ANKFN1: variants seen among roughly 807,000 people sequenced by gnomAD.
ANKFN1 encodes ankyrin repeat and fibronectin type-III domain-containing protein 1.
Under a neutral mutation model 108.7 loss-of-function variants are expected in ANKFN1, and 74 were observed. The ratio of observed to expected loss-of-function variants is 0.68; its 90% CI spans 0.56 to 0.83. The LOEUF (loss-of-function observed/expected upper bound fraction) is 0.83. ANKFN1 is among the 40% of genes least tolerant of loss of function. ANKFN1 has a pLI of 0.00. For missense variants in ANKFN1, 1,505 were observed against 1,382.3 expected (o/e 1.09, Z -1.41); for synonymous variants, 547 against 516.2 (o/e 1.06, Z -0.81).
chr17:56,154,735 G>T (rs1405624497), intron 1 of ANKFN1, among the ~76,000 whole-genome samples: 1 of 150,940 alleles, frequency 6.6e-6, no homozygotes, highest in East Asian at 2.0e-4. Flanking sequence ...TCAATATTTT[G>T]CCCCTGATTC....
At chr17:56,383,364 C>A (rs893875882) in intron 8 of ANKFN1, among the ~76,000 whole-genome samples, 14 of 151,716 alleles carry the variant, frequency 9.2e-5, no homozygotes, top group South Asian at 2.1e-4. Context: ...CTAAATGCCC[C>A]CAAGAGAAAG....
chr17:56,149,251 G>A (rs1340845984), upstream of ANKFN1, among the ~76,000 whole-genome samples: 1 of 152,176 alleles, frequency 6.6e-6, no homozygotes, highest in East Asian at 1.9e-4. Flanking sequence ...GGAGAGACTG[G>A]AGGCAAGAAA....
At chr17:56,291,583 C>G (rs1477224575) in intron 3 of ANKFN1, among the ~76,000 whole-genome samples, 1 of 152,160 alleles carries the variant, frequency 6.6e-6, no homozygotes, top group Non-Finnish European at 1.5e-5. Context: ...CTGGGCTGAC[C>G]TGAACACTGG....
chr17:56,146,757 C>T (rs1160974371), intron 4 of ANKFN1, among the ~76,000 whole-genome samples: 1 of 152,182 alleles, frequency 6.6e-6, no homozygotes, highest in Non-Finnish European at 1.5e-5. Flanking sequence ...GCCTCCAAGG[C>T]TGTGATAGGA....
intron 18 of ANKFN1, among the ~76,000 whole-genome samples, chr17:56,482,940 A>G (rs1251702812): frequency 6.7e-6 from 1 of 149,220 alleles, no homozygotes; most frequent in African/African-American, 2.5e-5. Flanking sequence ...TTTCTCTCTC[A>G]CCGTCCCCAC....
intron 4 of ANKFN1, among the ~76,000 whole-genome samples, chr17:56,104,422 C>T (rs1905703712): frequency 6.6e-6 from 1 of 152,200 alleles, no homozygotes; most frequent in Non-Finnish European, 1.5e-5. Flanking sequence ...GGGGAGCTGG[C>T]TTGAGCAAAG....
chr17:56,509,654 G>A (rs1387202384), intron 20 of ANKFN1, among the ~76,000 whole-genome samples: 1 of 152,188 alleles, frequency 6.6e-6, no homozygotes, highest in Non-Finnish European at 1.5e-5. Context: ...CTGGATAATG[G>A]ATACTGGGTA....
chr17:56,080,926 C>T (rs1905238269), intron 4 of ANKFN1, among the ~76,000 whole-genome samples: 1 of 152,192 alleles, frequency 6.6e-6, no homozygotes, highest in African/African-American at 2.4e-5. Context: ...ATCACGCAAT[C>T]CCTCCCCAGA....
In ANKFN1 at chr17:56,157,971, C is replaced by T. The variant is rs1909271121; in HGVS notation, c.-71+4441C>T. Among the ~76,000 whole-genome samples the T allele has an allele frequency of 2.0e-5, 3 of 152,316 alleles. No homozygotes were observed. The Middle Eastern group carries it at 0.01, about 518-fold the overall frequency. On this transcript the variant is annotated intron_variant, in intron 1 of 20. Transcript: ENST00000682825. ...AAATATAGTGCCATGTATTTCTTGG[C>T]ACTCATAACTTTCCAGCCAGCCTAC...
rs149592113 is a variant in ANKFN1 at position 56,202,061 on chromosome 17, A to C, written c.-70-10537A>C. Among the ~76,000 whole-genome samples the C allele has an allele frequency of 1.7e-3, 261 of 152,304 alleles. 3 individuals carry two copies. Among genetic ancestry groups the C allele is most frequent in the African/African-American group, 6.0e-3 (251 of 41,574 alleles). ...CAGAAATGTCCTATCTTCCCCATTC[A>C]TCCAGTCCTTTAATCTTTTCCAACC... On this transcript the variant is annotated intron_variant, in intron 1 of 20. Coordinates refer to ENST00000682825, the MANE Select transcript of ANKFN1 (RefSeq NM_001370326.1).
chr17:56,516,648 C>A lies in ANKFN1; in HGVS notation c.*5379C>A, dbSNP rs1354371588. On this transcript the variant is annotated 3_prime_UTR_variant, in exon 21 of 21. Transcript: ENST00000682825. ...ACTGTAAATGTCCAGTACCCTCAAT[C>A]AAAAACAGCACTGGTAAAATGTATG... 6.6e-6 allele frequency among the ~76,000 whole-genome samples: 1 copy of A among 152,158 alleles called. No homozygotes were observed. Among genetic ancestry groups the A allele is most frequent in the Non-Finnish European group, 1.5e-5 (1 of 68,024 alleles).
intron 3 of ANKFN1, among the ~76,000 whole-genome samples, chr17:56,254,371 A>G (rs1034205874): frequency 2.6e-5 from 4 of 152,240 alleles, no homozygotes; most frequent in Non-Finnish European, 4.4e-5. Context: ...GGTTTTATGC[A>G]TTGAAAGTTA....
rs185574987 is a variant in ANKFN1, at chr17:56,242,614, T to A, written c.53+14657T>A. On this transcript the variant is annotated intron_variant, in intron 3 of 20. Coordinates refer to ENST00000682825, the MANE Select transcript of ANKFN1 (RefSeq NM_001370326.1). ...TGTCTACAATCATATACTCTACAAA[T>A]AAGAATAATTTTGTATCATGCTTTC... 4.7e-4 allele frequency among the ~76,000 whole-genome samples: 71 copies of A among 152,254 alleles called. 2 individuals are homozygous for A. In the East Asian group the frequency reaches 0.013, roughly 27 times the overall value.
chr17:56,422,090 A>AT (rs2048423157), intron 8 of ANKFN1, among the ~76,000 whole-genome samples: 1 of 152,182 alleles, frequency 6.6e-6, no homozygotes, highest in Admixed American at 6.5e-5. Context: ...ATAAAAACTA[A>AT]TTTTATCCAA....
At position 56,495,792 on chromosome 17, in the gene ANKFN1, G is replaced by T. The variant is rs183318673; in HGVS notation, c.2428-3090G>T. On this transcript the variant is annotated intron_variant, in intron 19 of 20. Transcript: ENST00000682825. ...ATAGAAACACAGCTCATTAAATATA[G>T]CCAATCTATCATCCCCTTGAGCACC... Among the ~76,000 whole-genome samples the T allele has an allele frequency of 7.9e-5, 12 of 152,154 alleles. No individual in the cohort carries two copies. The East Asian group carries it at 2.1e-3, about 27-fold the overall frequency.
chr17:56,282,313 T>A (rs1044252810), intron 3 of ANKFN1, among the ~76,000 whole-genome samples: 2 of 151,882 alleles, frequency 1.3e-5, no homozygotes, highest in Admixed American at 6.6e-5. Context: ...TGTGTGTGTG[T>A]GTTGGAGGGA....
At chr17:56,478,966 A>C (rs986723770) in intron 16 of ANKFN1, among the ~76,000 whole-genome samples, 1 of 152,178 alleles carries the variant, frequency 6.6e-6, no homozygotes, top group Non-Finnish European at 1.5e-5. Context: ...GAGGAGGAGG[A>C]GGGAACTCAC....
chr17:56,380,742 C>T (rs1490858532), intron 8 of ANKFN1, among the ~76,000 whole-genome samples: 2 of 152,222 alleles, frequency 1.3e-5, no homozygotes, highest in East Asian at 1.9e-4. Context: ...GAGGGGCGCC[C>T]GCCATTGCCC....
chr17:56,377,357 G>A lies in ANKFN1; in HGVS notation c.910+2643G>A, dbSNP rs150228095. ...AGTTTTCTTCACACCGTGGGGGCAC[G>A]CACCAGGCCAACTGCCATCACAACT... is the stretch of plus-strand genomic sequence containing the variant. On this transcript the variant is annotated intron_variant, in intron 8 of 20. Transcript: ENST00000682825. 4.5e-3 allele frequency among the ~76,000 whole-genome samples: 679 copies of A among 152,238 alleles called. 3 individuals carry two copies. The highest frequency in any genetic ancestry group is 7.6e-3 in the Admixed American group (117 of 15,296).
Sources: gnomAD v4.1 joint callset for allele counts (sites outside exome capture counted in the v4.1 genomes callset) on GRCh38, gnomAD v4.1.1 for gene constraint, MANE v1.5 for transcripts, NCBI Gene and HGNC (gene_info 2026-07-23, HGNC 2026-07-21) for gene names.